MAN1A1: variants seen among roughly 807,000 people sequenced by gnomAD.
MAN1A1 encodes the protein mannosidase alpha class 1A member 1.
MAN1A1 carries 29 observed loss-of-function variants against 70.8 expected under a neutral mutation model. The observed-to-expected ratio is 0.41, with a 90% CI of 0.31 to 0.56. The LOEUF (loss-of-function observed/expected upper bound fraction) is 0.56. MAN1A1 is among the 20% of genes least tolerant of loss of function. The pLI, the probability that MAN1A1 is intolerant of heterozygous loss-of-function variation, is 0.29. For missense variants in MAN1A1, 747 were observed against 841.3 expected, an observed-to-expected ratio of 0.89 and a Z score of 1.39; for synonymous variants, 349 against 330.1, an observed-to-expected ratio of 1.06 and a Z score of -0.62.
intron 5 of MAN1A1, among the ~76,000 whole-genome samples, chr6:119,290,304 A>C (rs1776498897): frequency 6.6e-6 from 1 of 152,056 alleles, no homozygotes; most frequent in South Asian, 2.1e-4. Context: ...TATTCATTTA[A>C]AAAAGTTTTT....
intron 6 of MAN1A1, among the ~76,000 whole-genome samples, chr6:119,246,934 G>C (rs1040459236): frequency 1.3e-5 from 2 of 152,060 alleles, no homozygotes; most frequent in African/African-American, 4.8e-5. Flanking sequence ...TTCTGCAATA[G>C]AGAACGATTA....
chr6:119,219,720 G>A (rs953531098), intron 6 of MAN1A1, among the ~76,000 whole-genome samples: 3 of 151,440 alleles, frequency 2.0e-5, no homozygotes, highest in Admixed American at 6.6e-5. Context: ...AAATTTAAAA[G>A]TGTAACAAAT....
At chr6:119,323,753 T>C (rs1773079982) in intron 2 of MAN1A1, among the ~76,000 whole-genome samples, 1 of 152,178 alleles carries the variant, frequency 6.6e-6, no homozygotes, top group South Asian at 2.1e-4. Flanking sequence ...TCTCAGATAG[T>C]CCTACAGAAT....
chr6:119,334,902 T>G (rs1477877340), intron 2 of MAN1A1, among the ~76,000 whole-genome samples: 2 of 152,224 alleles, frequency 1.3e-5, no homozygotes, highest in East Asian at 1.9e-4. Context: ...ATCCCTGGCT[T>G]TCTTTCCTCC....
intron 5 of MAN1A1, among the ~76,000 whole-genome samples, chr6:119,279,029 A>C (rs1487023637): frequency 6.6e-6 from 1 of 152,100 alleles, no homozygotes; most frequent in Admixed American, 6.6e-5. Flanking sequence ...ATGGACTAAC[A>C]CAGCCATGCA....
At chr6:119,193,736 G>A (rs1312690913) in intron 9 of MAN1A1, 41 bp downstream of exon 9, 1 of 1,379,536 alleles carries the variant, frequency 7.2e-7, no homozygotes, top group Non-Finnish European at 1.0e-6. Flanking sequence ...CAAATTATAA[G>A]TTAGGGCTGA....
chr6:119,295,501 G>A (rs985050583), intron 4 of MAN1A1, among the ~76,000 whole-genome samples: 1 of 152,050 alleles, frequency 6.6e-6, no homozygotes, highest in Non-Finnish European at 1.5e-5. Flanking sequence ...TTTATTTAGA[G>A]TCACACTTAT....
Position 119,212,507 on chromosome 6 carries a change from G to A in MAN1A1, c.993-7625C>T, listed in dbSNP as rs3798608. ...TTTACTGAGTGCTTACTCTATGCCC[G>A]TTACCGTGCCATCCAAACACCAAAC... On this transcript the variant is annotated intron_variant, in intron 6 of 12. Coordinates refer to ENST00000368468, the MANE Select transcript of MAN1A1 (RefSeq NM_005907.4). Among the ~76,000 whole-genome samples the A allele has an allele frequency of 6.6e-5, 10 of 152,224 alleles. No homozygotes were observed. The East Asian group carries it at 1.7e-3, about 27-fold the overall frequency.
At chr6:119,290,987 A>G (rs1776523608) in intron 4 of MAN1A1, among the ~76,000 whole-genome samples, 1 of 152,012 alleles carries the variant, frequency 6.6e-6, no homozygotes, top group Admixed American at 6.6e-5. Context: ...ACGTACAATC[A>G]TTATATGACA....
chr6:119,222,217 C>T (rs1431623990), intron 6 of MAN1A1, among the ~76,000 whole-genome samples: 2 of 151,390 alleles, frequency 1.3e-5, no homozygotes, highest in Non-Finnish European at 2.9e-5. Context: ...TATATTTTGG[C>T]TAATATAAAA....
chr6:119,290,838 A>C, intron 4 of MAN1A1, 75 bp from the exon 5 acceptor site: 3 of 931,928 alleles, frequency 3.2e-6, no homozygotes, highest in Non-Finnish European at 5.1e-6. Flanking sequence ...ATTATACTAA[A>C]TACTTAAATT....
At chr6:119,204,994 G>T in intron 6 of MAN1A1, 112 bp from the exon 7 acceptor site, 2 of 1,062,448 alleles carry the variant, frequency 1.9e-6, no homozygotes, top group Non-Finnish European at 2.7e-6. Flanking sequence ...CTAGCTAATA[G>T]TCCACTCTAG....
intron 3 of MAN1A1, 37 bp from the exon 4 acceptor site, chr6:119,302,140 G>C (rs374794712): frequency 2.4e-5 from 25 of 1,032,814 alleles, no homozygotes; most frequent in African/African-American, 4.8e-5. Flanking sequence ...AAAATACTTT[G>C]CCTAGATAAA....
Position 119,312,682 on chromosome 6 carries a change from T to C in MAN1A1, c.604-5690A>G, listed in dbSNP as rs1437448297. The stretch of plus-strand genomic sequence containing the variant: ...ACATGGCAGAGCAGGTCACAGTGGA[T>C]AAGCCTGAGGCCAGCTGCCTCAGGG... On this transcript the variant is annotated intron_variant, in intron 2 of 12. Transcript: ENST00000368468. Among the ~76,000 whole-genome samples the C allele has an allele frequency of 3.3e-5, 5 of 152,156 alleles. No homozygotes were observed. The East Asian group carries it at 9.6e-4, about 29-fold the overall frequency.
intron 9 of MAN1A1, among the ~76,000 whole-genome samples, chr6:119,190,511 G>A (rs1047658871): frequency 2.0e-5 from 3 of 152,124 alleles, no homozygotes; most frequent in African/African-American, 7.2e-5. Flanking sequence ...CTCCTGATAC[G>A]ACTCTGCCAC....
At chr6:119,322,308 T>A (rs1205243160) in intron 2 of MAN1A1, among the ~76,000 whole-genome samples, 2 of 152,226 alleles carry the variant, frequency 1.3e-5, no homozygotes, top group Non-Finnish European at 2.9e-5. Flanking sequence ...TTCTGCTTTT[T>A]TTCTTCTCCT....
intron 5 of MAN1A1, among the ~76,000 whole-genome samples, chr6:119,249,075 C>G (rs2114325315): frequency 6.6e-6 from 1 of 152,166 alleles, no homozygotes; most frequent in East Asian, 1.9e-4. Context: ...GAACTGTACG[C>G]AGCATTGAAC....
At chr6:119,337,051 C>T (rs893657299) in intron 2 of MAN1A1, among the ~76,000 whole-genome samples, 19 of 152,186 alleles carry the variant, frequency 1.2e-4, no homozygotes, top group South Asian at 2.1e-4. Context: ...TCACAATCAT[C>T]TACATTTATT....
chr6:119,268,883 C>T (rs1430805830), intron 5 of MAN1A1, among the ~76,000 whole-genome samples: 3 of 152,126 alleles, frequency 2.0e-5, no homozygotes, highest in Non-Finnish European at 4.4e-5. Context: ...GCCCGGCCCT[C>T]ATTTTTCTAA....
Sources: allele counts gnomAD v4.1 joint callset (sites outside exome capture counted in the v4.1 genomes callset), GRCh38; gene constraint gnomAD v4.1.1; transcripts MANE v1.5; gene names NCBI Gene and HGNC (gene_info 2026-07-23, HGNC 2026-07-21).